CSMD1: variants seen among roughly 807,000 people sequenced by gnomAD.
The protein encoded by CSMD1 is CUB and Sushi multiple domains 1.
CSMD1 carries 213 observed loss-of-function variants against 417.5 expected under a neutral mutation model. The ratio of observed to expected loss-of-function variants is 0.51; its 90% CI spans 0.46 to 0.57. The LOEUF is 0.57. Among genes scored for constraint, CSMD1 ranks in the 20% least tolerant of loss-of-function variants. CSMD1 has a pLI of 0.00. For missense variants in CSMD1, 6,923 were observed against 4,529.7 expected, an observed-to-expected ratio of 1.53 and a Z score of -15.17; for synonymous variants, 2,862 against 1,736.8, an observed-to-expected ratio of 1.65 and a Z score of -16.11.
At chr8:4,384,822 C>A (rs1803339770) in intron 3 of CSMD1, among the ~76,000 whole-genome samples, 1 of 152,106 alleles carries the variant, frequency 6.6e-6, no homozygotes, top group South Asian at 2.1e-4. Flanking sequence ...AATTATGCTA[C>A]CTAATTTGAG....
rs1442656017 is a variant in CSMD1, at chr8:3,681,510, T to C, written c.1009+26904A>G. ...ATGTGAAGGACCTCTTCAAGGAGAATTACAAACCACTGCTCAATGAAATAA... is the reference window on the plus strand; with the variant it reads ...ATGTGAAGGACCTCTTCAAGGAGAACTACAAACCACTGCTCAATGAAATAA... On this transcript the variant is annotated intron_variant, in intron 7 of 69. Coordinates refer to ENST00000635120, the MANE Select transcript of CSMD1 (RefSeq NM_033225.6). 6.6e-5 allele frequency among the ~76,000 whole-genome samples: 10 copies of C among 152,020 alleles called. No individual in the cohort carries two copies. In the East Asian group the frequency reaches 7.7e-4, roughly 12 times the overall value.
At position 4,745,344 on chromosome 8, in the gene CSMD1, T is replaced by C. The variant is rs968267002; in HGVS notation, c.86-107786A>G. Among the ~76,000 whole-genome samples the C allele has an allele frequency of 3.9e-4, 60 of 152,308 alleles. 1 individual carries two copies. The highest frequency in any genetic ancestry group is 2.1e-3 in the Admixed American group (32 of 15,300). On this transcript the variant is annotated intron_variant, in intron 1 of 69. Transcript: ENST00000635120. ...TTATTACTAAGAGAAAGAAATGCTA[T>C]ACAGTTTAGTTACAAATGATTTAGT...
intron 2 of CSMD1, among the ~76,000 whole-genome samples, chr8:4,551,968 T>C (rs909094840): frequency 6.6e-6 from 1 of 151,960 alleles, no homozygotes; most frequent in Admixed American, 6.6e-5. Flanking sequence ...ACTACAGGCA[T>C]GAGCCACTGC....
intron 3 of CSMD1, among the ~76,000 whole-genome samples, chr8:4,126,926 ACT>A (rs1354096851): frequency 6.6e-6 from 1 of 151,902 alleles, no homozygotes; most frequent in Non-Finnish European, 1.5e-5. Context: ...GCCCACACAG[ACT>A]CTGCTGGAAG....
chr8:3,840,606 G>T (rs1440877828), intron 5 of CSMD1, among the ~76,000 whole-genome samples: 2 of 151,934 alleles, frequency 1.3e-5, no homozygotes, highest in Non-Finnish European at 2.9e-5. Flanking sequence ...ATGTATAGGT[G>T]TGAGTTTATG....
At chr8:3,473,657 C>T (rs1316690086) in intron 11 of CSMD1, among the ~76,000 whole-genome samples, 28 of 152,208 alleles carry the variant, frequency 1.8e-4, no homozygotes. Context: ...TGATTAAATA[C>T]AGTAGGTGCT....
intron 9 of CSMD1, among the ~76,000 whole-genome samples, chr8:3,583,829 C>A (rs1193889741): frequency 6.6e-6 from 1 of 151,736 alleles, no homozygotes; most frequent in African/African-American, 2.4e-5. Context: ...GTATTAGGTC[C>A]CAGAAAGGAT....
intron 3 of CSMD1, among the ~76,000 whole-genome samples, chr8:4,280,886 T>C (rs776669441): frequency 6.6e-6 from 1 of 152,230 alleles, no homozygotes; most frequent in Admixed American, 6.5e-5. Context: ...AAATACTTTT[T>C]TGGTAATTAG....
At chr8:4,065,780 A>C (rs1032961885) in intron 3 of CSMD1, among the ~76,000 whole-genome samples, 1 of 152,206 alleles carries the variant, frequency 6.6e-6, no homozygotes, top group Non-Finnish European at 1.5e-5. Flanking sequence ...ACTACAGCAA[A>C]TAAGAATTCC....
At chr8:3,109,640 G>A (rs1039015020) in intron 43 of CSMD1, among the ~76,000 whole-genome samples, 1 of 152,014 alleles carries the variant, frequency 6.6e-6, no homozygotes, top group African/African-American at 2.4e-5. Flanking sequence ...CAAAGCCCAA[G>A]GCCTTCACAT....
intron 5 of CSMD1, among the ~76,000 whole-genome samples, chr8:3,803,138 T>G (rs959434506): frequency 6.6e-6 from 1 of 152,180 alleles, no homozygotes; most frequent in Non-Finnish European, 1.5e-5. Flanking sequence ...AGGACTTCAT[T>G]CTAAGTACTC....
chr8:3,832,629 C>T (rs1019718227), intron 5 of CSMD1, among the ~76,000 whole-genome samples: 4 of 152,036 alleles, frequency 2.6e-5, no homozygotes, highest in Admixed American at 6.6e-5. Flanking sequence ...TTGAAGGAGT[C>T]GAAGATTTCA....
chr8:4,257,981 G>C (rs1468431597), intron 3 of CSMD1, among the ~76,000 whole-genome samples: 1 of 152,046 alleles, frequency 6.6e-6, no homozygotes, highest in Non-Finnish European at 1.5e-5. Flanking sequence ...TGCCATAAAA[G>C]AATATCATAG....
intron 1 of CSMD1, among the ~76,000 whole-genome samples, chr8:4,985,416 C>T (rs1584953718): frequency 6.6e-6 from 1 of 152,036 alleles, no homozygotes; most frequent in African/African-American, 2.4e-5. Flanking sequence ...AGGAAGGGCC[C>T]ATGCGTTACA....
At chr8:4,682,390 G>A (rs2897715) in intron 1 of CSMD1, among the ~76,000 whole-genome samples, 101,390 of 152,006 alleles carry the variant, frequency 0.67, 35,083 homozygotes, top group African/African-American at 0.85. Flanking sequence ...TTGTGTATCT[G>A]TGTCCTCAGG....
At chr8:4,198,814 C>A (rs1176356907) in intron 3 of CSMD1, among the ~76,000 whole-genome samples, 1 of 152,088 alleles carries the variant, frequency 6.6e-6, no homozygotes. Flanking sequence ...GAGGTCATGG[C>A]ACAAAAAGTT....
chr8:3,338,990 C>A, intron 23 of CSMD1, among the ~76,000 whole-genome samples: 1 of 124,144 alleles, frequency 8.1e-6, no homozygotes, highest in Admixed American at 8.7e-5. Context: ...CCCCCCTCCC[C>A]CCACCCCACA....
chr8:3,894,145 C>CAA (rs1192455375), intron 5 of CSMD1, among the ~76,000 whole-genome samples: 1 of 152,138 alleles, frequency 6.6e-6, no homozygotes, highest in Non-Finnish European at 1.5e-5. Context: ...TTTTCCTTTG[C>CAA]AAAAACTACT....
rs116401157 is a variant in CSMD1 at position 4,815,155 on chromosome 8, G to A, written c.86-177597C>T. The stretch of plus-strand genomic sequence containing the variant: ...GGTCAATATCAGGAAGAGTTGGAAC[G>A]TGTAATAATGAATGTCTCCAGATCA... On this transcript the variant is annotated intron_variant, in intron 1 of 69. Coordinates refer to ENST00000635120, the MANE Select transcript of CSMD1 (RefSeq NM_033225.6). Among the ~76,000 whole-genome samples, 605 of 152,212 alleles carry A rather than the reference G, an allele frequency of 4.0e-3. 3 individuals are homozygous for A. The highest frequency in any genetic ancestry group is 0.014 in the African/African-American group (580 of 41,540).
Sources: allele counts gnomAD v4.1 joint callset (sites outside exome capture counted in the v4.1 genomes callset), GRCh38; gene constraint gnomAD v4.1.1; transcripts MANE v1.5; gene names NCBI Gene and HGNC (gene_info 2026-07-23, HGNC 2026-07-21).